The following COL5A1 variants were observed in gnomAD, a reference collection of about 807,000 sequenced individuals.
The protein encoded by COL5A1 is collagen type V alpha 1 chain, also known as collagen alpha-1(V) chain.
A neutral mutation model predicts 263.7 loss-of-function variants in COL5A1; 16 were observed. That is an observed-to-expected ratio of 0.06 (90% CI 0.04 to 0.09). The LOEUF (loss-of-function observed/expected upper bound fraction) is 0.09, where lower values mean the gene tolerates loss of function less well. COL5A1 is among the 10% of genes least tolerant of loss of function. The pLI is 1.00. For synonymous variants in COL5A1, 1,012 were observed against 1,004.5 expected, an observed-to-expected ratio of 1.01 and a Z score of -0.14; for missense variants, 2,036 against 2,540.5, an observed-to-expected ratio of 0.80 and a Z score of 4.27.
At chr9:134,823,284 T>C (rs1839098424) in intron 60 of COL5A1, 132 bp from the exon 61 acceptor site, 7 of 1,083,152 alleles carry the variant, frequency 6.5e-6, no homozygotes, top group South Asian at 6.3e-5. Context: ...TCTCTGCCAT[T>C]CTCTTCTCTG....
Position 134,809,218 on chromosome 9 carries a change from C to A in COL5A1, c.3402C>A (p.Asp1134Glu). ...GCCCACAAGGCCCAGCTGGCCGAGA[C>A]GGTCTCCAGGGGCCTGTGGGGCTCC... Reference protein sequence around the residue: ...EKGPQGPAGRDGLQGPVGLPG... With the variant: ...EKGPQGPAGREGLQGPVGLPG... Residue 1134 changes from aspartate to glutamate, a missense_variant, in exon 43 of 66, where the codon GAC becomes GAA. Physicochemically the swap from Asp to Glu is conservative, Grantham distance 45 (BLOSUM62 2). Coordinates refer to ENST00000371817, the MANE Select transcript of COL5A1 (RefSeq NM_000093.5). 10 of 1,601,730 alleles carry A rather than the reference C, an allele frequency of 6.2e-6. No individual in the cohort carries two copies. Among genetic ancestry groups the A allele is most frequent in the Non-Finnish European group, 8.5e-6 (10 of 1,174,278 alleles).
At chr9:134,822,016 G>T in intron 58 of COL5A1, 81 bp from the exon 59 acceptor site, 14 of 1,240,296 alleles carry the variant, frequency 1.1e-5, no homozygotes, top group Admixed American at 1.7e-5. Context: ...GAGCCGAGGG[G>T]TGTGGCTGGG....
intron 4 of COL5A1, among the ~76,000 whole-genome samples, chr9:134,726,230 C>T (rs951338078): frequency 2.0e-5 from 3 of 151,754 alleles, no homozygotes; most frequent in African/African-American, 7.3e-5. Context: ...CAACAGGTGT[C>T]TGGTAAATGG....
At chr9:134,761,265 A>G (rs539870752) in intron 18 of COL5A1, among the ~76,000 whole-genome samples, 106 of 150,796 alleles carry the variant, frequency 7.0e-4, no homozygotes, top group African/African-American at 2.4e-3. Context: ...ACACACGTGC[A>G]CTCGCATACA....
chr9:134,783,617 A>G (rs1178922311), intron 29 of COL5A1, among the ~76,000 whole-genome samples: 1 of 152,054 alleles, frequency 6.6e-6, no homozygotes, highest in Non-Finnish European at 1.5e-5. Flanking sequence ...CAGGGCTGTC[A>G]CCCAGCTGCC....
intron 14 of COL5A1, 146 bp downstream of exon 14, chr9:134,752,791 A>AG: frequency 1.6e-6 from 1 of 626,756 alleles, no homozygotes; most frequent in Non-Finnish European, 2.9e-6. Flanking sequence ...GAGGGTGGCC[A>AG]GGGGGACCAG....
intron 63 of COL5A1, among the ~76,000 whole-genome samples, chr9:134,827,588 C>T (rs1006654873): frequency 6.6e-6 from 1 of 152,248 alleles, no homozygotes; most frequent in African/African-American, 2.4e-5. Flanking sequence ...GGCCAGACTC[C>T]TCCAAACTCA....
chr9:134,763,855 C>T (rs535288865), intron 20 of COL5A1, 118 bp downstream of exon 20: 3 of 1,032,850 alleles, frequency 2.9e-6, no homozygotes, highest in South Asian at 3.0e-5. Flanking sequence ...GAGAGCTCGA[C>T]CTGAGAACAG....
chr9:134,685,458 ATCCATCCATTCATCCATCCATCCATCCGT>A (rs1564386552), intron 1 of COL5A1, among the ~76,000 whole-genome samples: 7 of 2,498 alleles, frequency 2.8e-3, no homozygotes, highest in Non-Finnish European at 3.8e-3. Context: ...TCATCCATCC[ATCCATCCATTCATCCATCCATCCATCCGT>A]CCATCCATCC....
chr9:134,675,500 T>A (rs1832660393), intron 1 of COL5A1, among the ~76,000 whole-genome samples: 1 of 152,238 alleles, frequency 6.6e-6, no homozygotes, highest in African/African-American at 2.4e-5. Context: ...GTTGTACACA[T>A]CTTGTTGTTT....
Position 134,755,178 on chromosome 9 carries a change from T to C in COL5A1, c.1827+852T>C, listed in dbSNP as rs1446680069. Reference sequence around the variant, plus strand: ...CTGGGCATGAAACAGAGGCCTGGGCTGGATAATTCCAGGAGGATTAGCAGC... The same window carrying C: ...CTGGGCATGAAACAGAGGCCTGGGCCGGATAATTCCAGGAGGATTAGCAGC... On this transcript the variant is annotated intron_variant, in intron 16 of 65. Transcript: ENST00000371817. The surrounding 1 kb of genome is among the most constrained non-coding windows in gnomAD (Gnocchi z 4.1). Among the ~76,000 whole-genome samples, 3 of 152,210 alleles carry C rather than the reference T, an allele frequency of 2.0e-5. No individual in the cohort carries two copies. Among genetic ancestry groups the C allele is most frequent in the African/African-American group, 7.2e-5 (3 of 41,466 alleles).
intron 35 of COL5A1, 68 bp downstream of exon 35, chr9:134,796,486 G>A (rs1837914687): frequency 6.5e-7 from 1 of 1,529,144 alleles, no homozygotes; most frequent in African/African-American, 1.4e-5. Context: ...CCTGCACTTT[G>A]TCCTGGGGTG....
intron 4 of COL5A1, among the ~76,000 whole-genome samples, chr9:134,715,537 A>C (rs1834229870): frequency 6.6e-6 from 1 of 152,122 alleles, no homozygotes; most frequent in South Asian, 2.1e-4. Flanking sequence ...TCAGACTATC[A>C]CACGGGGAGG....
In COL5A1 at chr9:134,677,700, C is replaced by A. The variant is rs1315836417; in HGVS notation, c.110-13212C>A. Among the ~76,000 whole-genome samples the A allele has an allele frequency of 1.3e-5, 2 of 152,366 alleles. No homozygotes were observed. Among genetic ancestry groups the A allele is most frequent in the African/African-American group, 4.8e-5 (2 of 41,582 alleles). On this transcript the variant is annotated intron_variant, in intron 1 of 65. Transcript: ENST00000371817. This position sits in a 1 kb window ranked among gnomAD's most constrained non-coding sequence, Gnocchi z 4.4. ...CATCTGTCTATATCCATCCCTCCAT[C>A]CTTTCTCAGTCCGGCCATCTTACTC...
rs1423075503 is a variant in COL5A1 at position 134,682,294 on chromosome 9, G to A, written c.110-8618G>A. On this transcript the variant is annotated intron_variant, in intron 1 of 65. Coordinates refer to ENST00000371817, the MANE Select transcript of COL5A1 (RefSeq NM_000093.5). The surrounding 1 kb of genome is among the most constrained non-coding windows in gnomAD (Gnocchi z 5.1). ...CGCCTTCCCCCAGCCATGCTGCCTG[G>A]AGGCCGGGTCCTGAGCGGAGCACTC... Among the ~76,000 whole-genome samples, 1 of 152,216 alleles carries A rather than the reference G, an allele frequency of 6.6e-6. No homozygotes were observed.
rs863223462 is a variant in COL5A1 at position 134,835,163 on chromosome 9, G to A, written c.5329G>A (p.Asp1777Asn). 26 of 1,613,722 alleles carry A rather than the reference G, an allele frequency of 1.6e-5. No homozygotes were observed. In the South Asian group the frequency reaches 2.4e-4, roughly 15 times the overall value. Residue 1777 changes from aspartate (D) to asparagine (N), a missense_variant, in exon 65 of 66, where the codon GAC (aspartate) becomes AAC (asparagine). Physicochemically the swap from Asp to Asn is conservative, Grantham distance 23. Around this residue, in one of 3 missense-constraint regions of COL5A1, gnomAD observed 358 missense variants for 384.6 expected, o/e 0.93. Transcript: ENST00000371817. ...LGSNDEEMSY[D>N]NNPYIRALVD... is the part of the protein sequence containing the mutation. ...CTCCAACGACGAGGAGATGTCCTAT[G>A]ACAACAACCCCTACATCCGCGCCCT...
At chr9:134,660,817 G>A (rs1217029809) in intron 1 of COL5A1, among the ~76,000 whole-genome samples, 1 of 152,172 alleles carries the variant, frequency 6.6e-6, no homozygotes, top group Non-Finnish European at 1.5e-5. Context: ...TATAGAAACA[G>A]GCAAGGTCTC....
At position 134,811,476 on chromosome 9, in the gene COL5A1, G is replaced by C. The variant is rs758628746; in HGVS notation, c.3583-16G>C. ...ATTGCCAGCATCCTCACCCATGGCC[G>C]GTTATTTCCCTGCAGGGAGCTGACG... On this transcript the variant is annotated splice_polypyrimidine_tract_variant and intron_variant, in intron 45 of 65. Coordinates refer to ENST00000371817, the MANE Select transcript of COL5A1 (RefSeq NM_000093.5). 1 of 1,613,604 alleles carries C rather than the reference G, an allele frequency of 6.2e-7. No homozygotes were observed. The highest frequency in any genetic ancestry group is 1.3e-5 in the African/African-American group (1 of 74,926).
At chr9:134,694,570 T>A (rs771020696) in intron 2 of COL5A1, among the ~76,000 whole-genome samples, 2 of 152,186 alleles carry the variant, frequency 1.3e-5, no homozygotes, top group Non-Finnish European at 2.9e-5. Context: ...AGGCTAGAAT[T>A]TCCCCCCTCA....
Sources: allele counts gnomAD v4.1 joint callset (sites outside exome capture counted in the v4.1 genomes callset), GRCh38; gene constraint gnomAD v4.1.1; regional missense constraint gnomAD v4.1.1; non-coding constraint Gnocchi (gnomAD v3.1); transcripts MANE v1.5; gene names NCBI Gene and HGNC (gene_info 2026-07-23, HGNC 2026-07-21).